Variants in LRBA observed in about 807,000 individuals in gnomAD.
LRBA encodes LPS responsive beige-like anchor protein, also known as lipopolysaccharide-responsive and beige-like anchor protein.
A neutral mutation model predicts 330.0 loss-of-function variants in LRBA; 176 were observed. That is an observed-to-expected ratio of 0.53 (90% CI 0.47 to 0.60). The LOEUF is 0.60. LRBA is among the 20% of genes least tolerant of loss of function. The pLI is 0.00. For missense variants in LRBA, 3,259 were observed against 3,444.8 expected, an observed-to-expected ratio of 0.95 and a Z score of 1.35; for synonymous variants, 1,230 against 1,193.0, an observed-to-expected ratio of 1.03 and a Z score of -0.64.
intron 2 of LRBA, among the ~76,000 whole-genome samples, chr4:150,939,919 C>T (rs1735485283): frequency 6.6e-6 from 1 of 152,074 alleles, no homozygotes; most frequent in African/African-American, 2.4e-5. Flanking sequence ...CAGACTTCAC[C>T]ATAACTCAAT....
intron 30 of LRBA, among the ~76,000 whole-genome samples, chr4:150,818,350 T>C (rs1223524831): frequency 1.3e-5 from 2 of 152,160 alleles, no homozygotes; most frequent in Admixed American, 1.3e-4. Context: ...CATGGCTTAT[T>C]CAATGTACTT....
intron 44 of LRBA, among the ~76,000 whole-genome samples, chr4:150,454,623 G>A (rs557318780): frequency 1.3e-5 from 2 of 151,890 alleles, no homozygotes; most frequent in South Asian, 2.1e-4. Flanking sequence ...GGGGGTACAA[G>A]TAGCTTTTGG....
At chr4:150,861,469 A>C (rs1751931448) in intron 22 of LRBA, among the ~76,000 whole-genome samples, 2 of 152,222 alleles carry the variant, frequency 1.3e-5, no homozygotes, top group African/African-American at 4.8e-5. Flanking sequence ...GTATCTAAAC[A>C]AATATAAACA....
At chr4:150,901,858 C>CA (rs1359204736) in intron 13 of LRBA, among the ~76,000 whole-genome samples, 1 of 152,112 alleles carries the variant, frequency 6.6e-6, no homozygotes, top group Non-Finnish European at 1.5e-5. Flanking sequence ...TTGATAGGCC[C>CA]AATCCACTTG....
rs57337357 is a variant in LRBA at position 150,529,584 on chromosome 4, T to G, written c.6331-38549A>C. Among the ~76,000 whole-genome samples the G allele has an allele frequency of 1.2e-3, 187 of 152,042 alleles. 4 individuals are homozygous for G. Among genetic ancestry groups the G allele is most frequent in the African/African-American group, 4.4e-3 (183 of 41,470 alleles). On this transcript the variant is annotated intron_variant, in intron 40 of 56. Coordinates refer to ENST00000651943, the MANE Select transcript of LRBA (RefSeq NM_001364905.1). Reference sequence around the variant, plus strand: ...TACAAAAATTAGCTAGGCATGGTGGTGCGTGCCTGTAATTCCAGCTACTTG... The same window carrying G: ...TACAAAAATTAGCTAGGCATGGTGGGGCGTGCCTGTAATTCCAGCTACTTG...
chr4:150,531,907 G>C (rs529481154), intron 40 of LRBA, among the ~76,000 whole-genome samples: 2 of 152,284 alleles, frequency 1.3e-5, no homozygotes, highest in African/African-American at 4.8e-5. Context: ...TACTGTGCTA[G>C]ACCTCTACCA....
rs530222985 is a variant in LRBA, at chr4:150,989,587, C to T, written c.216+24840G>A. ...GAGATCACGCCACTGCACTCCAGCCCGGGCGACAGAGCGAGACTCCATCTC... is the reference window on the plus strand; with the variant it reads ...GAGATCACGCCACTGCACTCCAGCCTGGGCGACAGAGCGAGACTCCATCTC... On this transcript the variant is annotated intron_variant, in intron 2 of 56. Coordinates refer to ENST00000651943, the MANE Select transcript of LRBA (RefSeq NM_001364905.1). Among the ~76,000 whole-genome samples, 13 of 151,882 alleles carry T rather than the reference C, an allele frequency of 8.6e-5. 1 individual carries two copies. The East Asian group carries it at 1.6e-3, about 18-fold the overall frequency.
chr4:150,490,372 C>A lies in LRBA; in HGVS notation c.6448+546G>T, dbSNP rs557721056. On this transcript the variant is annotated intron_variant, in intron 41 of 56. Coordinates refer to ENST00000651943, the MANE Select transcript of LRBA (RefSeq NM_001364905.1). ...TTTTCCTTCAAGTTCAACTTGTCTC[C>A]CCTTCTTTTCTTAATGGATTTCACC... Among the ~76,000 whole-genome samples, 125 of 151,858 alleles carry A rather than the reference C, an allele frequency of 8.2e-4. 1 individual carries two copies. The highest frequency in any genetic ancestry group is 2.9e-3 in the African/African-American group (119 of 41,496).
intron 2 of LRBA, among the ~76,000 whole-genome samples, chr4:150,985,592 G>A (rs752949566): frequency 9.3e-5 from 14 of 151,326 alleles, no homozygotes; most frequent in East Asian, 1.9e-4. Flanking sequence ...TCCGCCTCCC[G>A]GGTTCACGCC....
chr4:150,343,880 C>A (rs1304082065), intron 48 of LRBA, among the ~76,000 whole-genome samples: 2 of 152,228 alleles, frequency 1.3e-5, no homozygotes, highest in East Asian at 3.9e-4. Flanking sequence ...TAGCACAAAC[C>A]CTCATAAACA....
intron 36 of LRBA, among the ~76,000 whole-genome samples, chr4:150,716,722 C>T (rs966098147): frequency 3.9e-5 from 6 of 152,170 alleles, no homozygotes; most frequent in Admixed American, 3.3e-4. Context: ...ATACAGTACC[C>T]TAAAATACAT....
intron 36 of LRBA, among the ~76,000 whole-genome samples, chr4:150,705,705 A>T (rs1785552545): frequency 6.6e-6 from 1 of 151,994 alleles, no homozygotes; most frequent in Non-Finnish European, 1.5e-5. Context: ...ATGAATATCA[A>T]CTCCACTGCT....
At chr4:150,493,977 A>G (rs1486247513) in intron 40 of LRBA, among the ~76,000 whole-genome samples, 1 of 152,122 alleles carries the variant, frequency 6.6e-6, no homozygotes, top group Non-Finnish European at 1.5e-5. Flanking sequence ...CTAGCTACTC[A>G]TGAAGCTGAG....
chr4:150,315,735 A>C, intron 50 of LRBA, 112 bp from the exon 51 acceptor site: 1 of 692,974 alleles, frequency 1.4e-6, no homozygotes, highest in Middle Eastern at 3.1e-4. Flanking sequence ...TAAATCTTTC[A>C]TGCAGTTTTG....
Position 150,639,775 on chromosome 4 carries a change from ATATATATGTGTG to A in LRBA, c.5922-40656_5922-40645del, listed in dbSNP as rs1347152013. 7.5e-3 allele frequency among the ~76,000 whole-genome samples: 38 copies of A among 5,060 alleles called. 4 individuals are homozygous for A. Among genetic ancestry groups the A allele is most frequent in the African/African-American group, 0.026 (36 of 1,376 alleles). The allele number at this position is 5,060 out of a possible 152,430, so 3.3% of individuals were successfully genotyped here. A position where few individuals can be genotyped will look rare whatever the true frequency, so the allele number is the denominator to read the frequency against. ...TATATATATATATATATATATATAT[ATATATATGTGTG>A]TGTGTATATATATATATATGTGTGT... On this transcript the variant is annotated intron_variant, in intron 37 of 56. Coordinates refer to ENST00000651943, the MANE Select transcript of LRBA (RefSeq NM_001364905.1).
chr4:150,904,752 A>G (rs553263643), intron 13 of LRBA, among the ~76,000 whole-genome samples: 1 of 152,300 alleles, frequency 6.6e-6, no homozygotes, highest in Admixed American at 6.5e-5. Flanking sequence ...TACAACCTCC[A>G]ACTGCCTGTT....
At chr4:150,278,823 GT>G (rs71960661) in intron 55 of LRBA, among the ~76,000 whole-genome samples, 19,398 of 148,702 alleles carry the variant, frequency 0.13, 1,522 homozygotes, top group South Asian at 0.34. Flanking sequence ...CCATAAACAG[GT>G]TTTTTTTTTT....
intron 28 of LRBA, among the ~76,000 whole-genome samples, chr4:150,834,960 C>T (rs1015108965): frequency 1.3e-5 from 2 of 152,114 alleles, no homozygotes; most frequent in Non-Finnish European, 2.9e-5. Flanking sequence ...AGTCTTTGAT[C>T]CATCTTGAAT....
chr4:150,804,627 C>A (rs1742272074), intron 33 of LRBA, among the ~76,000 whole-genome samples: 1 of 152,152 alleles, frequency 6.6e-6, no homozygotes, highest in African/African-American at 2.4e-5. Context: ...CTTAAAGACA[C>A]TGGAATACAG....
Sources: allele counts gnomAD v4.1 joint callset (sites outside exome capture counted in the v4.1 genomes callset), GRCh38; gene constraint gnomAD v4.1.1; transcripts MANE v1.5; gene names NCBI Gene and HGNC (gene_info 2026-07-23, HGNC 2026-07-21).